Variants in EP300 observed in about 807,000 individuals in gnomAD.
EP300 encodes EP300 lysine acetyltransferase.
Under a neutral mutation model 264.0 loss-of-function variants are expected in EP300, and 31 were observed. The observed-to-expected ratio is 0.12, with a 90% CI of 0.09 to 0.16. The LOEUF is 0.16. EP300 is among the 10% of genes least tolerant of loss of function. The pLI, the probability that EP300 is intolerant of heterozygous loss-of-function variation, is 1.00. For missense variants in EP300, 2,766 were observed against 3,052.9 expected (o/e 0.91, Z 2.21); for synonymous variants, 1,340 against 1,045.4 (o/e 1.28, Z -5.44).
At chr22:41,131,173 A>G (rs1030945516) in intron 5 of EP300, among the ~76,000 whole-genome samples, 1 of 152,208 alleles carries the variant, frequency 6.6e-6, no homozygotes, top group Non-Finnish European at 1.5e-5. Flanking sequence ...GCTATTGGGC[A>G]TTCAGAATCA....
At chr22:41,158,385 C>CT (rs775861355) in intron 18 of EP300, 27 bp from the exon 19 acceptor site, 1 of 1,608,284 alleles carries the variant, frequency 6.2e-7, no homozygotes. Context: ...GGCCTCTGTG[C>CT]TTTTTAACAA....
At position 41,147,918 on chromosome 22, in the gene EP300, A is replaced by G. The variant is rs766858607; in HGVS notation, c.2213A>G (p.Gln738Arg). ...RQTPPLQHHGQLAQPGALNPP... is the reference protein window; with the variant it reads ...RQTPPLQHHGRLAQPGALNPP... ...ACCCCTCCTCTTCAGCACCATGGAC[A>G]GTTGGCTCAACCTGGAGCTCTCAAC... The change falls in exon 12 of 31, where the codon CAG becomes CGG. Residue 738 changes from glutamine to arginine, a missense_variant. By Grantham distance (43) the Gln-to-Arg change is conservative (BLOSUM62 1). Coordinates refer to ENST00000263253, the MANE Select transcript of EP300 (RefSeq NM_001429.4). The G allele has an allele frequency of 8.1e-6, 13 of 1,612,362 alleles. No individual in the cohort carries two copies. The highest frequency in any genetic ancestry group is 1.1e-5 in the Non-Finnish European group (13 of 1,179,122).
chr22:41,136,198 G>C (rs1319996244), intron 7 of EP300, among the ~76,000 whole-genome samples: 1 of 152,132 alleles, frequency 6.6e-6, no homozygotes, highest in African/African-American at 2.4e-5. Flanking sequence ...GCTAATTTTT[G>C]TACTTTTGGT....
intron 2 of EP300, among the ~76,000 whole-genome samples, chr22:41,119,175 A>ATTATTT (rs1301631658): frequency 1.2e-4 from 13 of 112,986 alleles, no homozygotes; most frequent in African/African-American, 5.1e-4. Flanking sequence ...GCTTATTATT[A>ATTATTT]TTTTTTTTTT....
intron 2 of EP300, among the ~76,000 whole-genome samples, chr22:41,125,202 T>A (rs1241499555): frequency 7.1e-6 from 1 of 140,606 alleles, no homozygotes; most frequent in Non-Finnish European, 1.5e-5. Flanking sequence ...CACTGCAAGC[T>A]CCGCCTCCCG....
In EP300 at chr22:41,170,870, A is replaced by G. The variant is rs560426704; in HGVS notation, c.4452+299A>G. On this transcript the variant is annotated intron_variant, in intron 27 of 30. Transcript: ENST00000263253. ...AGTAGAGACGGGGTTTCACCGTGTTAGCCAGGATGGTCTCGATCTCCTGAC... is the reference window on the plus strand; with the variant it reads ...AGTAGAGACGGGGTTTCACCGTGTTGGCCAGGATGGTCTCGATCTCCTGAC... Among the ~76,000 whole-genome samples the G allele has an allele frequency of 2.6e-3, 400 of 150,978 alleles. 1 individual carries two copies. The highest frequency in any genetic ancestry group is 8.9e-3 in the African/African-American group (367 of 41,192).
intron 1 of EP300, among the ~76,000 whole-genome samples, chr22:41,109,622 ACT>A (rs1243740813): frequency 2.6e-5 from 4 of 152,276 alleles, no homozygotes; most frequent in African/African-American, 9.6e-5. Context: ...TGTTCTAAAC[ACT>A]TTACATTTAT....
rs1468650952 is a variant in EP300 at position 41,158,593 on chromosome 22, G to T, written c.3590+93G>T. The T allele has an allele frequency of 3.9e-6, 4 of 1,019,698 alleles. No homozygotes were observed. In the South Asian group the frequency reaches 5.3e-5, roughly 14 times the overall value. 63.2% of individuals were successfully genotyped at this position (1,019,698 alleles called of 1,614,324 possible). A position where few individuals can be genotyped will look rare whatever the true frequency, so the allele number is the denominator to read the frequency against. ...CAGCACACATACAGTCATGGTTCAT[G>T]TGTATCTTGCTTGAAGACAGCTGTA... is the stretch of plus-strand genomic sequence containing the variant. On this transcript the variant is annotated intron_variant, in intron 19 of 30. Transcript: ENST00000263253.
chr22:41,092,838 T>C lies in EP300; in HGVS notation c.-167T>C. ...CTTTTCTATCGAGTCCGCATCCCTCTCCAGCCACTGCGACCCGGCGAAGAG... is the reference window on the plus strand; with the variant it reads ...CTTTTCTATCGAGTCCGCATCCCTCCCCAGCCACTGCGACCCGGCGAAGAG... On this transcript the variant is annotated 5_prime_UTR_variant, in exon 1 of 31. Transcript: ENST00000263253. The C allele has an allele frequency of 2.6e-6, 2 of 772,706 alleles. No homozygotes were observed. The highest frequency in any genetic ancestry group is 2.0e-5 in the Admixed American group (1 of 49,590). The allele number at this position is 772,706 out of a possible 1,614,324, so 47.9% of individuals were successfully genotyped here. A position where few individuals can be genotyped will look rare whatever the true frequency, so the allele number is the denominator to read the frequency against.
At chr22:41,102,007 TTC>T (rs751965509) in intron 1 of EP300, among the ~76,000 whole-genome samples, 2 of 151,626 alleles carry the variant, frequency 1.3e-5, no homozygotes, top group East Asian at 1.9e-4. Context: ...CTCTCATATT[TTC>T]TGTTGCTTTT....
At chr22:41,093,690 T>C (rs867973719) in intron 1 of EP300, among the ~76,000 whole-genome samples, 3 of 152,210 alleles carry the variant, frequency 2.0e-5, no homozygotes, top group Admixed American at 6.5e-5. Context: ...CTTATTTGCT[T>C]TAAGAATCAA....
At position 41,179,688 on chromosome 22, in the gene EP300, C is replaced by G. The variant is rs2059229238; in HGVS notation, c.*732C>G. 1 of 229,354 alleles carries G rather than the reference C, an allele frequency of 4.4e-6. No homozygotes were observed. 14.2% of individuals were successfully genotyped at this position (229,354 alleles called of 1,614,324 possible). A position where few individuals can be genotyped will look rare whatever the true frequency, so the allele number is the denominator to read the frequency against. ...CTTTTTCAAAAATATACAGGGGCAGCTGCCAAATTGATGTATTATATATTG... is the reference window on the plus strand; with the variant it reads ...CTTTTTCAAAAATATACAGGGGCAGGTGCCAAATTGATGTATTATATATTG... On this transcript the variant is annotated 3_prime_UTR_variant, in exon 31 of 31. Coordinates refer to ENST00000263253, the MANE Select transcript of EP300 (RefSeq NM_001429.4).
At chr22:41,109,100 C>A (rs575060245) in intron 1 of EP300, among the ~76,000 whole-genome samples, 6 of 152,044 alleles carry the variant, frequency 3.9e-5, no homozygotes, top group African/African-American at 1.4e-4. Context: ...CATGGTGAGA[C>A]CCCCATCTCA....
At chr22:41,094,426 A>G (rs1372217983) in intron 1 of EP300, among the ~76,000 whole-genome samples, 1 of 152,248 alleles carries the variant, frequency 6.6e-6, no homozygotes, top group Non-Finnish European at 1.5e-5. Flanking sequence ...TATAAGAAAG[A>G]TGTGAAATGA....
At chr22:41,143,632 G>A (rs1320086776) in intron 10 of EP300, among the ~76,000 whole-genome samples, 1 of 151,848 alleles carries the variant, frequency 6.6e-6, no homozygotes, top group East Asian at 1.9e-4. Flanking sequence ...CTGAAGTGCA[G>A]TGGCACCATC....
At chr22:41,133,132 C>A (rs1369904755) in intron 6 of EP300, among the ~76,000 whole-genome samples, 2 of 151,100 alleles carry the variant, frequency 1.3e-5, no homozygotes, top group African/African-American at 4.9e-5. Flanking sequence ...GCATGAGCCA[C>A]CGCACCTGGC....
At chr22:41,094,773 T>A (rs1304051562) in intron 1 of EP300, among the ~76,000 whole-genome samples, 1 of 152,230 alleles carries the variant, frequency 6.6e-6, no homozygotes. Flanking sequence ...TAGTCGATTT[T>A]ACATTGGAGT....
intron 1 of EP300, among the ~76,000 whole-genome samples, chr22:41,099,005 T>G (rs944002116): frequency 2.0e-5 from 3 of 152,166 alleles, no homozygotes; most frequent in Non-Finnish European, 4.4e-5. Flanking sequence ...TTGTTAACTG[T>G]TTTTAACTTT....
intron 29 of EP300, 191 bp from the exon 30 acceptor site, chr22:41,176,056 C>G: frequency 1.5e-6 from 1 of 656,700 alleles, no homozygotes; most frequent in Non-Finnish European, 2.6e-6. Flanking sequence ...CTCGTCTCTA[C>G]AAAAAATGCA....
Sources: gnomAD v4.1 joint callset for allele counts (sites outside exome capture counted in the v4.1 genomes callset) on GRCh38, gnomAD v4.1.1 for gene constraint, MANE v1.5 for transcripts, NCBI Gene and HGNC (gene_info 2026-07-23, HGNC 2026-07-21) for gene names.